Variants in ZNF254 observed in about 807,000 individuals in gnomAD.
ZNF254 encodes CTD-2017D11.1.
ZNF254 carries 10 observed loss-of-function variants against 12.4 expected under a neutral mutation model. The observed-to-expected ratio is 0.80, with a 90% confidence interval of 0.50 to 1.36. ZNF254 has a LOEUF of 1.36. ZNF254 is among the 40% of genes most tolerant of loss of function. The pLI is 0.00. For synonymous variants in ZNF254, 305 were observed against 253.4 expected, an observed-to-expected ratio of 1.20 and a Z score of -1.93; for missense variants, 996 against 763.9, an observed-to-expected ratio of 1.30 and a Z score of -3.58.
intron 2 of ZNF254, among the ~76,000 whole-genome samples, chr19:24,062,597 C>CTG (rs141066410): frequency 0.15 from 22,539 of 152,118 alleles, 1,919 homozygotes; most frequent in Middle Eastern, 0.23. Context: ...ACAGGTGAGA[C>CTG]TGAAATTTAT....
intron 3 of ZNF254, among the ~76,000 whole-genome samples, chr19:24,121,636 C>T (rs67946551): frequency 0.014 from 2,129 of 152,216 alleles, 18 homozygotes; most frequent in Non-Finnish European, 0.018. Flanking sequence ...TGGCTCACTG[C>T]AACCTCCGCC....
At chr19:24,047,615 TGCTC>T (rs1970447816) in intron 2 of ZNF254, among the ~76,000 whole-genome samples, 2 of 134,892 alleles carry the variant, frequency 1.5e-5, no homozygotes, top group African/African-American at 5.4e-5. Context: ...TTTTTTTTTT[TGCTC>T]TCTCTCTTGC....
rs960446197 is a variant in ZNF254, at chr19:24,087,199, C to G, written c.-109C>G. 1.4e-6 allele frequency: 2 copies of G among 1,462,938 alleles called. No individual in the cohort carries two copies. The highest frequency in any genetic ancestry group is 1.8e-5 in the Admixed American group (1 of 54,828). The allele number at this position is 1,462,938 out of a possible 1,614,324, so 90.6% of individuals were successfully genotyped here. A position where few individuals can be genotyped will look rare whatever the true frequency, so the allele number is the denominator to read the frequency against. On this transcript the variant is annotated 5_prime_UTR_variant, in exon 1 of 4. Coordinates refer to ENST00000357002, the MANE Select transcript of ZNF254 (RefSeq NM_203282.4). ...GGGATATGGCGGGGCCTTTGTCTCTCGCTGTCGCCGGAGTCCCAGGTCTGT... is the reference window on the plus strand; with the variant it reads ...GGGATATGGCGGGGCCTTTGTCTCTGGCTGTCGCCGGAGTCCCAGGTCTGT...
chr19:24,122,338 C>G (rs1370689719), intron 3 of ZNF254, among the ~76,000 whole-genome samples: 1 of 152,080 alleles, frequency 6.6e-6, no homozygotes, highest in Non-Finnish European at 1.5e-5. Context: ...GATTCTCATG[C>G]CTCAGCCTCC....
intron 1 of ZNF254, among the ~76,000 whole-genome samples, chr19:24,100,265 ATC>A (rs1266552987): frequency 3.0e-5 from 4 of 132,896 alleles, no homozygotes; most frequent in Admixed American, 1.4e-4. Flanking sequence ...AGACATGAGA[ATC>A]TCCACTTCTT....
intron 3 of ZNF254, among the ~76,000 whole-genome samples, chr19:24,113,797 A>G (rs572495655): frequency 1.0e-3 from 159 of 152,248 alleles, no homozygotes; most frequent in African/African-American, 3.5e-3. Context: ...CATTGTCTCA[A>G]CCCAAAATCT....
At chr19:24,093,950 ACTT>A (rs778625787) in intron 1 of ZNF254, among the ~76,000 whole-genome samples, 1 of 152,106 alleles carries the variant, frequency 6.6e-6, no homozygotes, top group Middle Eastern at 3.2e-3. Context: ...GCCATTTCTG[ACTT>A]CTTTAAGCAT....
At chr19:24,087,423 C>T in intron 1 of ZNF254, 86 bp downstream of exon 1, 2 of 1,557,352 alleles carry the variant, frequency 1.3e-6, no homozygotes, top group Admixed American at 1.7e-5. Context: ...CTCAGGCCTC[C>T]CCCCAGTCAG....
chr19:24,114,691 A>G (rs545916110), intron 3 of ZNF254, among the ~76,000 whole-genome samples: 5 of 139,408 alleles, frequency 3.6e-5, no homozygotes, highest in African/African-American at 1.5e-4. Context: ...ATCTAATTAA[A>G]CTAAAGAGCT....
chr19:24,127,781 T>C lies in ZNF254; in HGVS notation c.1781T>C (p.Val594Ala). 6.2e-7 allele frequency: 1 copy of C among 1,611,914 alleles called. No homozygotes were observed. Residue 594 changes from valine (V) to alanine (A), a missense_variant, in exon 4 of 4, where the codon GTA (valine) becomes GCA (alanine). Coordinates refer to ENST00000357002, the MANE Select transcript of ZNF254 (RefSeq NM_203282.4). ...NRSSTFTKHK[V>A]IHTGVKPYKC... ...TCTTCAACTTTTACTAAACATAAGG[T>C]AATTCATACTGGAGTAAAACCCTAC...
chr19:24,099,903 C>G (rs1972906893), intron 1 of ZNF254, among the ~76,000 whole-genome samples: 1 of 152,100 alleles, frequency 6.6e-6, no homozygotes, highest in Admixed American at 6.6e-5. Context: ...ATTATATTTT[C>G]CAAACAGTGT....
At chr19:24,083,919 C>T (rs976100327), upstream of ZNF254, among the ~76,000 whole-genome samples, 1 of 151,986 alleles carries the variant, frequency 6.6e-6, no homozygotes, top group Admixed American at 6.6e-5. Flanking sequence ...CTATGGAAAA[C>T]AGTATGGAGA....
In ZNF254 at chr19:24,106,608, A is replaced by T. The variant is rs1414253522; in HGVS notation, c.218A>T (p.Asn73Ile). The change falls in exon 3 of 4, where the codon AAT becomes ATT. Residue 73 changes from asparagine (N) to isoleucine (I), a missense_variant. Coordinates refer to ENST00000357002, the MANE Select transcript of ZNF254 (RefSeq NM_203282.4). Reference sequence around the variant, plus strand: ...CTGGAACAAGGGAAAGAGCCCTGGAATATGAAGCGACATGAGATGGTGGAT... The same window carrying T: ...CTGGAACAAGGGAAAGAGCCCTGGATTATGAAGCGACATGAGATGGTGGAT... ...TCLEQGKEPW[N>I]MKRHEMVDEP... 3 of 1,584,202 alleles carry T rather than the reference A, an allele frequency of 1.9e-6. No individual in the cohort carries two copies. The highest frequency in any genetic ancestry group is 2.6e-6 in the Non-Finnish European group (3 of 1,163,232).
intron 2 of ZNF254, among the ~76,000 whole-genome samples, chr19:24,081,789 A>G (rs1971853603): frequency 6.6e-6 from 1 of 152,180 alleles, no homozygotes; most frequent in Non-Finnish European, 1.5e-5. Flanking sequence ...GGCTTTTCCT[A>G]CCAAGTCTGA....
chr19:24,046,829 T>C (rs888077377), intron 2 of ZNF254, among the ~76,000 whole-genome samples: 14 of 151,954 alleles, frequency 9.2e-5, no homozygotes, highest in Non-Finnish European at 1.3e-4. Context: ...CCTCTCCTTT[T>C]TTAGGTTCTA....
In ZNF254 at chr19:24,042,088, A is replaced by G. The variant is rs1970192078; in HGVS notation, c.-189-4096A>G. On this transcript the variant is annotated intron_variant, in intron 1 of 4. Coordinates refer to the ZNF254 transcript ENST00000613065. Reference sequence around the variant, plus strand: ...GTAAATACACCAATCGGCACTCTGTATCTAGCTCAAGGTTTGTAAACACAC... The same window carrying G: ...GTAAATACACCAATCGGCACTCTGTGTCTAGCTCAAGGTTTGTAAACACAC... Among the ~76,000 whole-genome samples, 2 of 139,058 alleles carry G rather than the reference A, an allele frequency of 1.4e-5. 1 individual carries two copies. The highest frequency in any genetic ancestry group is 5.3e-5 in the African/African-American group (2 of 37,468). 91.2% of individuals were successfully genotyped at this position (139,058 alleles called of 152,430 possible).
At chr19:24,106,095 C>A in intron 2 of ZNF254, 29 bp downstream of exon 2, 1 of 1,543,416 alleles carries the variant, frequency 6.5e-7, no homozygotes, top group Non-Finnish European at 8.7e-7. Flanking sequence ...CAAAATTCCT[C>A]ACATAAACTA....
intron 1 of ZNF254, among the ~76,000 whole-genome samples, chr19:24,103,083 CAT>C (rs1275539312): frequency 1.3e-5 from 2 of 152,284 alleles, no homozygotes; most frequent in African/African-American, 2.4e-5. Context: ...TACATGTGCA[CAT>C]GTTGTTTTCC....
At chr19:24,061,263 T>C (rs1173871743) in intron 2 of ZNF254, among the ~76,000 whole-genome samples, 1 of 152,254 alleles carries the variant, frequency 6.6e-6, no homozygotes, top group Non-Finnish European at 1.5e-5. Context: ...CTCTGATCCC[T>C]GTCAAAAGGA....
Sources: allele counts gnomAD v4.1 joint callset (sites outside exome capture counted in the v4.1 genomes callset), GRCh38; gene constraint gnomAD v4.1.1; transcripts MANE v1.5; gene names NCBI Gene and HGNC (gene_info 2026-07-23, HGNC 2026-07-21).